Variants in ENPP1 observed in about 807,000 individuals in gnomAD.
ENPP1 encodes ectonucleotide pyrophosphatase/phosphodiesterase family member 1.
Under a neutral mutation model 122.8 loss-of-function variants are expected in ENPP1, and 73 were observed. That is an observed-to-expected ratio of 0.59 (90% confidence interval 0.49 to 0.72). The LOEUF is 0.72. Ranked by LOEUF, ENPP1 falls within the 30% of genes least tolerant of loss-of-function variation. The pLI is 0.00. For missense variants in ENPP1, 978 were observed against 1,128.1 expected (o/e 0.87, Z 1.91); for synonymous variants, 367 against 391.6 (o/e 0.94, Z 0.74).
intron 1 of ENPP1, among the ~76,000 whole-genome samples, chr6:131,838,627 G>T (rs922769637): frequency 6.8e-6 from 1 of 147,924 alleles, no homozygotes; most frequent in African/African-American, 2.5e-5. Flanking sequence ...ATTAAGCCTA[G>T]ATATGGAAGG....
intron 13 of ENPP1, among the ~76,000 whole-genome samples, chr6:131,871,500 C>T (rs751908391): frequency 6.6e-6 from 1 of 152,168 alleles, no homozygotes; most frequent in Admixed American, 6.5e-5. Flanking sequence ...ACCTGAAGTC[C>T]TCCTACTTGA....
chr6:131,864,668 G>C, intron 10 of ENPP1, 97 bp downstream of exon 10: 1 of 906,886 alleles, frequency 1.1e-6, no homozygotes, highest in Non-Finnish European at 1.8e-6. Flanking sequence ...TATTTGCTAT[G>C]ATGTTTTATA....
rs200746177 is a variant in ENPP1, at chr6:131,851,119, A to G, written c.431-23A>G. 1.5e-3 allele frequency: 2,417 copies of G among 1,613,508 alleles called. 3 individuals are homozygous for G. Among genetic ancestry groups the G allele is most frequent in the Non-Finnish European group, 1.8e-3 (2,107 of 1,179,656 alleles). On this transcript the variant is annotated intron_variant, in intron 3 of 24. Transcript: ENST00000647893. ...ATGTTGAATTTGAGACATAAAACACATTTTGCTGATGTTTGTTTCTAGAAC... is the reference window on the plus strand; with the variant it reads ...ATGTTGAATTTGAGACATAAAACACGTTTTGCTGATGTTTGTTTCTAGAAC...
At chr6:131,850,632 G>T (rs192222335) in intron 3 of ENPP1, among the ~76,000 whole-genome samples, 1 of 152,248 alleles carries the variant, frequency 6.6e-6, no homozygotes, top group East Asian at 1.9e-4. Flanking sequence ...GCCGTTGCTC[G>T]ACCATGGCTC....
intron 16 of ENPP1, among the ~76,000 whole-genome samples, chr6:131,875,017 C>G (rs1013633597): frequency 1.3e-5 from 2 of 151,980 alleles, no homozygotes; most frequent in Admixed American, 1.3e-4. Flanking sequence ...TAGGCAAACA[C>G]GGACATACAG....
intron 1 of ENPP1, 79 bp downstream of exon 1, chr6:131,808,354 C>A: frequency 7.2e-7 from 1 of 1,395,332 alleles, no homozygotes. Context: ...GCGCTCTCAG[C>A]GCAGTCAGCA....
At chr6:131,882,645 ACTATT>A (rs1385984361) in intron 21 of ENPP1, among the ~76,000 whole-genome samples, 171 bp downstream of exon 21, 1 of 115,678 alleles carries the variant, frequency 8.6e-6, no homozygotes, top group Non-Finnish European at 1.6e-5. Context: ...TATATATATT[ACTATT>A]TTATATATAT....
At chr6:131,809,677 G>A (rs61079014) in intron 1 of ENPP1, among the ~76,000 whole-genome samples, 4,379 of 152,284 alleles carry the variant, frequency 0.029, 196 homozygotes, top group East Asian at 0.24. Context: ...TGAGGTAGTC[G>A]ATAATTGTAT....
In ENPP1 at chr6:131,890,394, A is replaced by G. The variant is rs1804025; in HGVS notation, c.2661A>G (p.Ala887=). ...WVEELLMLHR[A]RITDVEHITG... ...AAGAATTGTTAATGTTACACAGAGC[A>G]CGGATCACAGATGTTGAGCACATCA... The change falls in exon 25 of 25, where the codon GCA becomes GCG. Residue 887 remains alanine (A), a synonymous_variant. Transcript: ENST00000647893. 48,974 of 1,613,376 alleles carry G rather than the reference A, an allele frequency of 0.03. 2,136 individuals carry two copies. The highest frequency in any genetic ancestry group is 0.21 in the African/African-American group (15,879 of 74,972).
Position 131,892,826 on chromosome 6 carries a change from G to A in ENPP1, c.*2315G>A, listed in dbSNP as rs1394040122. On this transcript the variant is annotated 3_prime_UTR_variant, in exon 25 of 25. Coordinates refer to ENST00000647893, the MANE Select transcript of ENPP1 (RefSeq NM_006208.3). ...GGTGTTTTTCCATGGTGTTTGGTTG[G>A]AGTACAGCCTTTTTTACCCTTGCTT... The A allele has an allele frequency of 1.3e-5, 2 of 152,188 alleles. No homozygotes were observed. The highest frequency in any genetic ancestry group is 4.8e-5 in the African/African-American group (2 of 41,432). 9.4% of individuals were successfully genotyped at this position (152,188 alleles called of 1,614,324 possible). A position where few individuals can be genotyped will look rare whatever the true frequency, so the allele number is the denominator to read the frequency against.
intron 5 of ENPP1, among the ~76,000 whole-genome samples, chr6:131,853,392 A>G (rs1341349682): frequency 6.6e-6 from 1 of 152,106 alleles, no homozygotes; most frequent in Non-Finnish European, 1.5e-5. Context: ...TTCAGTTGTA[A>G]TATTGAATCT....
At chr6:131,815,996 C>T (rs1282084214) in intron 1 of ENPP1, among the ~76,000 whole-genome samples, 1 of 150,520 alleles carries the variant, frequency 6.6e-6, no homozygotes, top group Admixed American at 6.6e-5. Context: ...GCTGGGATTA[C>T]AGGCGTGAGC....
chr6:131,850,928 G>A (rs991020205), intron 3 of ENPP1, among the ~76,000 whole-genome samples: 27 of 152,102 alleles, frequency 1.8e-4, no homozygotes, highest in African/African-American at 6.5e-4. Flanking sequence ...ACAAAATTCT[G>A]GACTTTTAGT....
intron 1 of ENPP1, among the ~76,000 whole-genome samples, chr6:131,846,491 C>G (rs1378480499): frequency 6.6e-6 from 1 of 152,146 alleles, no homozygotes; most frequent in Non-Finnish European, 1.5e-5. Flanking sequence ...ATCATTTCCC[C>G]CCCATTCAGA....
At chr6:131,819,178 A>T (rs1211464649) in intron 1 of ENPP1, among the ~76,000 whole-genome samples, 1 of 152,212 alleles carries the variant, frequency 6.6e-6, no homozygotes, top group Non-Finnish European at 1.5e-5. Flanking sequence ...TGAGTGGATG[A>T]TGTTACAAAA....
rs920790038 is a variant in ENPP1 at position 131,886,493 on chromosome 6, C to T, written c.2445-69C>T. The T allele has an allele frequency of 3.3e-5, 38 of 1,158,242 alleles. No individual in the cohort carries two copies. In the African/African-American group the frequency reaches 3.5e-4, roughly 11 times the overall value. The allele number at this position is 1,158,242 out of a possible 1,614,324, so 71.7% of individuals were successfully genotyped here. On this transcript the variant is annotated intron_variant, in intron 23 of 24. Transcript: ENST00000647893. ...TTTTTATATGTATTAAAAGCATGCTCTACTGAAATATTCATCAAAAGGAAG... is the reference window on the plus strand; with the variant it reads ...TTTTTATATGTATTAAAAGCATGCTTTACTGAAATATTCATCAAAAGGAAG...
chr6:131,816,091 T>C (rs1297018168), intron 1 of ENPP1, among the ~76,000 whole-genome samples: 1 of 152,082 alleles, frequency 6.6e-6, no homozygotes, highest in Admixed American at 6.5e-5. Context: ...TAAATGAAAA[T>C]AGTTTCATAT....
intron 6 of ENPP1, among the ~76,000 whole-genome samples, chr6:131,855,388 T>C: frequency 6.6e-6 from 1 of 152,124 alleles, no homozygotes; most frequent in East Asian, 1.9e-4. Flanking sequence ...TGCAGTGGTG[T>C]GATCTTGGCT....
intron 2 of ENPP1, among the ~76,000 whole-genome samples, chr6:131,849,213 G>A (rs191318708): frequency 2.1e-3 from 319 of 152,228 alleles, no homozygotes; most frequent in Non-Finnish European, 2.8e-3. Context: ...TATATGGCAT[G>A]CACCTGGCTG....
Sources: gnomAD v4.1 joint callset for allele counts (sites outside exome capture counted in the v4.1 genomes callset) on GRCh38, gnomAD v4.1.1 for gene constraint, MANE v1.5 for transcripts, NCBI Gene and HGNC (gene_info 2026-07-23, HGNC 2026-07-21) for gene names.